Variants in COA7 observed in about 807,000 individuals in gnomAD.
COA7 encodes Sel1 repeat containing 1.
A neutral mutation model predicts 21.0 loss-of-function variants in COA7; 12 were observed. The observed-to-expected ratio is 0.57, with a 90% CI of 0.37 to 0.92. The LOEUF (loss-of-function observed/expected upper bound fraction) is 0.92, where lower values mean the gene tolerates loss of function less well. Ranked by LOEUF, COA7 falls within the 40% of genes least tolerant of loss-of-function variation. The pLI, the probability that COA7 is intolerant of heterozygous loss-of-function variation, is 0.01. For missense variants in COA7, 240 were observed against 286.1 expected (o/e 0.84, Z 1.16); for synonymous variants, 95 against 107.4 (o/e 0.88, Z 0.72).
Position 52,698,291 on chromosome 1 carries a change from C to G in COA7, c.36G>C (p.Gln12His), listed in dbSNP as rs147550717. Residue 12 changes from glutamine (Q) to histidine (H), a missense_variant, in exon 1 of 3, where the codon CAG (glutamine) becomes CAC (histidine). Coordinates refer to ENST00000371538, the MANE Select transcript of COA7 (RefSeq NM_023077.3). ...CCATGTTCTCCAAAAAGGACTTGAC[C>G]TGCTCCTCATCCTGGAAGTCCACCA... ...AGMVDFQDEEQVKSFLENMEV... is the reference protein window; with the variant it reads ...AGMVDFQDEEHVKSFLENMEV... The G allele has an allele frequency of 1.5e-5, 24 of 1,612,812 alleles. No homozygotes were observed. In the African/African-American group the frequency reaches 2.3e-4, roughly 15 times the overall value.
At chr1:52,690,888 T>C (rs1644040596) in intron 2 of COA7, among the ~76,000 whole-genome samples, 1 of 151,612 alleles carries the variant, frequency 6.6e-6, no homozygotes, top group African/African-American at 2.4e-5. Context: ...GGCGGGTGGA[T>C]CGTTTGAGGT....
At position 52,687,697 on chromosome 1, in the gene COA7, C is replaced by A; in HGVS notation, c.*23G>T. 1 of 1,601,582 alleles carries A rather than the reference C, an allele frequency of 6.2e-7. No homozygotes were observed. Among genetic ancestry groups the A allele is most frequent in the South Asian group, 1.1e-5 (1 of 90,140 alleles). On this transcript the variant is annotated 3_prime_UTR_variant, in exon 3 of 3. Coordinates refer to ENST00000371538, the MANE Select transcript of COA7 (RefSeq NM_023077.3). The stretch of plus-strand genomic sequence containing the variant: ...GCTGCCAGCCTCAAGCAGTTTGTTG[C>A]CTGGGAGGGAGGGTGGACCACATTA...
chr1:52,688,253 T>TC (rs1644021171), intron 2 of COA7, 85 bp from the exon 3 acceptor site: 2 of 1,189,428 alleles, frequency 1.7e-6, no homozygotes, highest in Non-Finnish European at 2.3e-6. Flanking sequence ...AATTTTTTTT[T>TC]TTTTTTTGGA....
intron 1 of COA7, 117 bp from the exon 2 acceptor site, chr1:52,692,984 CT>C (rs1644058942): frequency 9.4e-7 from 1 of 1,059,990 alleles, no homozygotes; most frequent in South Asian, 1.4e-5. Flanking sequence ...AAGACAGCCC[CT>C]GTCCTCCTGA....
intron 1 of COA7, among the ~76,000 whole-genome samples, chr1:52,697,170 G>A (rs1418045066): frequency 6.6e-6 from 1 of 152,004 alleles, no homozygotes; most frequent in African/African-American, 2.4e-5. Context: ...AATCAAAGGC[G>A]GGAGGATCAC....
chr1:52,697,281 C>T (rs1418464248), intron 1 of COA7, among the ~76,000 whole-genome samples: 3 of 152,110 alleles, frequency 2.0e-5, no homozygotes, highest in Non-Finnish European at 4.4e-5. Flanking sequence ...AAGAAGAAAA[C>T]CACCCAAAGG....
chr1:52,697,996 C>T, intron 1 of COA7: 3 of 548,952 alleles, frequency 5.5e-6, no homozygotes, highest in Non-Finnish European at 3.2e-6. Context: ...ATCCCCAGTC[C>T]CTAACCCAAA....
intron 2 of COA7, among the ~76,000 whole-genome samples, chr1:52,691,060 G>A (rs982500084): frequency 1.4e-4 from 21 of 151,892 alleles, no homozygotes; most frequent in Non-Finnish European, 1.9e-4. Context: ...CCGAGATCAT[G>A]CCACTGCACA....
intron 1 of COA7, among the ~76,000 whole-genome samples, chr1:52,693,840 G>A (rs978501291): frequency 7.9e-5 from 12 of 151,732 alleles, no homozygotes; most frequent in Non-Finnish European, 1.5e-4. Flanking sequence ...ATTCATTTTC[G>A]TTCAACAAAT....
intron 1 of COA7, chr1:52,697,963 G>C: frequency 2.1e-6 from 1 of 474,482 alleles, no homozygotes; most frequent in Non-Finnish European, 3.8e-6. Flanking sequence ...CGAGGGCAGG[G>C]AGTTTCATCT....
At chr1:52,698,152 G>T (rs963618339) in intron 1 of COA7, 69 bp downstream of exon 1, 2 of 1,114,856 alleles carry the variant, frequency 1.8e-6, no homozygotes, top group African/African-American at 3.1e-5. Context: ...CCTCTCAGAG[G>T]TCGCAGACCA....
At chr1:52,690,760 C>T (rs555642637) in intron 2 of COA7, among the ~76,000 whole-genome samples, 12 of 151,974 alleles carry the variant, frequency 7.9e-5, no homozygotes, top group Non-Finnish European at 1.6e-4. Flanking sequence ...CTCACTGCAG[C>T]CTCCACCTCC....
chr1:52,692,547 C>T (rs904042422), intron 2 of COA7, among the ~76,000 whole-genome samples, 180 bp downstream of exon 2: 3 of 152,296 alleles, frequency 2.0e-5, no homozygotes, highest in African/African-American at 4.8e-5. Flanking sequence ...CTAAGGTTTA[C>T]CTAACTTGAA....
At chr1:52,691,176 G>A in intron 2 of COA7, among the ~76,000 whole-genome samples, 1 of 151,910 alleles carries the variant, frequency 6.6e-6, no homozygotes, top group Non-Finnish European at 1.5e-5. Flanking sequence ...AGCACTTTGA[G>A]AGGCCAAGGT....
intron 2 of COA7, among the ~76,000 whole-genome samples, chr1:52,690,139 C>T (rs1483295418): frequency 6.6e-6 from 1 of 151,332 alleles, no homozygotes; most frequent in Admixed American, 6.6e-5. Flanking sequence ...TGCAGGGTCA[C>T]ATTAAGACCC....
At chr1:52,694,401 G>A (rs1014020129) in intron 1 of COA7, among the ~76,000 whole-genome samples, 8 of 151,208 alleles carry the variant, frequency 5.3e-5, no homozygotes, top group Non-Finnish European at 1.2e-4. Flanking sequence ...CGGAGACTGC[G>A]GTGAGCCGAG....
chr1:52,692,270 AT>A (rs1413754301), intron 2 of COA7, among the ~76,000 whole-genome samples: 3 of 152,176 alleles, frequency 2.0e-5, no homozygotes, highest in Non-Finnish European at 4.4e-5. Flanking sequence ...AAAAATAACT[AT>A]TTTGTTATTT....
chr1:52,688,105 C>T lies in COA7; in HGVS notation c.311G>A (p.Gly104Glu). ...GTGACATGCTGCTATTGACTTCTTT[C>T]CAGGCTTCTCACACGCCATCAAAAA... Reference protein sequence around the residue: ...RCFLMACEKPGKKSIAACHNV... With the variant: ...RCFLMACEKPEKKSIAACHNV... Residue 104 changes from glycine to glutamate, a missense_variant, in exon 3 of 3, where the codon GGA becomes GAA. Transcript: ENST00000371538. 2 of 1,613,996 alleles carry T rather than the reference C, an allele frequency of 1.2e-6. No homozygotes were observed. The highest frequency in any genetic ancestry group is 1.7e-6 in the Non-Finnish European group (2 of 1,180,050).
At chr1:52,698,135 T>C in intron 1 of COA7, 86 bp downstream of exon 1, 1 of 961,414 alleles carries the variant, frequency 1.0e-6, no homozygotes, top group Non-Finnish European at 1.6e-6. Context: ...CGTGATTCCT[T>C]CTCCAGCCTC....
Sources: allele counts gnomAD v4.1 joint callset (sites outside exome capture counted in the v4.1 genomes callset), GRCh38; gene constraint gnomAD v4.1.1; transcripts MANE v1.5; gene names NCBI Gene and HGNC (gene_info 2026-07-23, HGNC 2026-07-21).